The following SDK1 variants were observed in gnomAD, a reference collection of about 807,000 sequenced individuals.
The protein encoded by SDK1 is sidekick cell adhesion molecule 1.
A neutral mutation model predicts 245.5 loss-of-function variants in SDK1; 157 were observed. The observed-to-expected ratio is 0.64, with a 90% CI of 0.56 to 0.73. The LOEUF is 0.73. Ranked by LOEUF, SDK1 falls within the 30% of genes least tolerant of loss-of-function variation. SDK1 has a pLI of 0.00. For synonymous variants in SDK1, 1,647 were observed against 1,278.5 expected (o/e 1.29, Z -6.15); for missense variants, 3,583 against 3,002.3 (o/e 1.19, Z -4.52).
rs569435659 is a variant in SDK1, at chr7:3,600,641, C to T, written c.299-18439C>T. Reference sequence around the variant, plus strand: ...GCAATCTTGGCTTACTGCAAGCTCCCGGGTTCACGCCATTCTCCTACCTCA... The same window carrying T: ...GCAATCTTGGCTTACTGCAAGCTCCTGGGTTCACGCCATTCTCCTACCTCA... On this transcript the variant is annotated intron_variant, in intron 1 of 44. Coordinates refer to ENST00000404826, the MANE Select transcript of SDK1 (RefSeq NM_152744.4). 3.8e-4 allele frequency among the ~76,000 whole-genome samples: 57 copies of T among 150,310 alleles called. 1 individual carries two copies. The highest frequency in any genetic ancestry group is 1.2e-3 in the African/African-American group (50 of 40,874).
chr7:4,060,904 T>C (rs1435468298), intron 19 of SDK1, among the ~76,000 whole-genome samples: 1 of 151,758 alleles, frequency 6.6e-6, no homozygotes, highest in Non-Finnish European at 1.5e-5. Context: ...AGGGAATCCT[T>C]TACCCATTGC....
chr7:4,216,036 C>G (rs946980042), intron 38 of SDK1, among the ~76,000 whole-genome samples: 1 of 152,196 alleles, frequency 6.6e-6, no homozygotes. Flanking sequence ...TCTGCAGATA[C>G]CACAACCGGC....
At chr7:3,722,892 C>T (rs1366277136) in intron 4 of SDK1, among the ~76,000 whole-genome samples, 1 of 152,222 alleles carries the variant, frequency 6.6e-6, no homozygotes, top group African/African-American at 2.4e-5. Flanking sequence ...ATATGCTTTC[C>T]CCAAGATGGA....
intron 1 of SDK1, among the ~76,000 whole-genome samples, chr7:3,474,625 A>G (rs1463970052): frequency 2.0e-5 from 3 of 151,958 alleles, no homozygotes; most frequent in Admixed American, 2.0e-4. Context: ...TCTGTAACCC[A>G]TCCATGTCTT....
chr7:4,094,313 C>T (rs1355417216), intron 22 of SDK1, among the ~76,000 whole-genome samples: 2 of 152,184 alleles, frequency 1.3e-5, no homozygotes, highest in South Asian at 2.1e-4. Context: ...CCACCCACCT[C>T]GGCCTCCCAA....
intron 1 of SDK1, among the ~76,000 whole-genome samples, chr7:3,359,463 G>T (rs1780894342): frequency 6.6e-6 from 1 of 152,270 alleles, no homozygotes; most frequent in Admixed American, 6.5e-5. Flanking sequence ...GTACTAGCAG[G>T]CTATTAAAAG....
chr7:3,303,206 T>G (rs768271805), intron 1 of SDK1, among the ~76,000 whole-genome samples: 9 of 152,378 alleles, frequency 5.9e-5, no homozygotes, highest in African/African-American at 2.2e-4. Flanking sequence ...TGACTTACTC[T>G]GGAAGAAAAG....
At chr7:4,202,695 G>A (rs2128226188) in intron 35 of SDK1, among the ~76,000 whole-genome samples, 1 of 152,336 alleles carries the variant, frequency 6.6e-6, no homozygotes. Flanking sequence ...CTACAGCTCT[G>A]AAACTTTTCC....
At chr7:3,578,788 C>G (rs1780388983) in intron 1 of SDK1, among the ~76,000 whole-genome samples, 1 of 151,690 alleles carries the variant, frequency 6.6e-6, no homozygotes, top group African/African-American at 2.4e-5. Flanking sequence ...GGTTGTCTTC[C>G]CTTGTTCCCT....
Position 3,346,173 on chromosome 7 carries a change from T to A in SDK1, c.298+44289T>A, listed in dbSNP as rs138500650. 4.1e-3 allele frequency among the ~76,000 whole-genome samples: 620 copies of A among 152,300 alleles called. 2 individuals are homozygous for A. The highest frequency in any genetic ancestry group is 5.5e-3 in the Non-Finnish European group (375 of 68,016). On this transcript the variant is annotated intron_variant, in intron 1 of 44. Coordinates refer to ENST00000404826, the MANE Select transcript of SDK1 (RefSeq NM_152744.4). ...GTCTTAAGAATAAATTTCAGACTCCTGTGCATGCACAAATGCTGCTCATAA... is the reference window on the plus strand; with the variant it reads ...GTCTTAAGAATAAATTTCAGACTCCAGTGCATGCACAAATGCTGCTCATAA...
intron 1 of SDK1, among the ~76,000 whole-genome samples, chr7:3,438,418 CATAT>C: frequency 6.6e-6 from 1 of 152,178 alleles, no homozygotes; most frequent in East Asian, 1.9e-4. Flanking sequence ...CTAACATTTA[CATAT>C]GAGAGAAGCT....
intron 5 of SDK1, among the ~76,000 whole-genome samples, chr7:3,857,165 AAAC>A (rs1780567898): frequency 6.6e-6 from 1 of 152,178 alleles, no homozygotes; most frequent in Non-Finnish European, 1.5e-5. Context: ...AATCTACTGG[AAAC>A]AACATACTGA....
chr7:4,225,380 A>G (rs1480414257), intron 40 of SDK1, among the ~76,000 whole-genome samples: 1 of 152,182 alleles, frequency 6.6e-6, no homozygotes, highest in African/African-American at 2.4e-5. Context: ...CAAGCACACC[A>G]ATGTGTCTTT....
chr7:4,065,715 T>TG (rs1779851884), intron 19 of SDK1, among the ~76,000 whole-genome samples: 1 of 140,706 alleles, frequency 7.1e-6, no homozygotes, highest in Non-Finnish European at 1.5e-5. Flanking sequence ...TTTTTTTTTT[T>TG]TTTTTTTTTT....
At chr7:3,693,767 A>C (rs536312053) in intron 4 of SDK1, among the ~76,000 whole-genome samples, 1 of 152,238 alleles carries the variant, frequency 6.6e-6, no homozygotes, top group South Asian at 2.1e-4. Context: ...TAGCCTCTAG[A>C]TTCTGGCACT....
intron 1 of SDK1, among the ~76,000 whole-genome samples, chr7:3,493,638 C>T (rs1027756673): frequency 6.6e-6 from 1 of 152,180 alleles, no homozygotes; most frequent in East Asian, 1.9e-4. Flanking sequence ...GGAATGTTAT[C>T]TTCATGAGTC....
At chr7:4,103,805 C>T (rs1311049827) in intron 22 of SDK1, among the ~76,000 whole-genome samples, 2 of 152,184 alleles carry the variant, frequency 1.3e-5, no homozygotes, top group Admixed American at 1.3e-4. Flanking sequence ...GAGGAGGAGT[C>T]AGTGCCGTGG....
At chr7:3,988,932 C>T (rs1229416013) in intron 14 of SDK1, among the ~76,000 whole-genome samples, 1 of 152,114 alleles carries the variant, frequency 6.6e-6, no homozygotes, top group Non-Finnish European at 1.5e-5. Flanking sequence ...CCACCACGCC[C>T]AGCTAATTTT....
intron 17 of SDK1, among the ~76,000 whole-genome samples, chr7:4,048,559 GCT>G (rs1161514890): frequency 4.0e-5 from 6 of 151,612 alleles, no homozygotes; most frequent in African/African-American, 1.5e-4. Flanking sequence ...TTTTCCCATG[GCT>G]CTCCCAGCTG....
Sources: gnomAD v4.1 joint callset for allele counts (sites outside exome capture counted in the v4.1 genomes callset) on GRCh38, gnomAD v4.1.1 for gene constraint, MANE v1.5 for transcripts, NCBI Gene and HGNC (gene_info 2026-07-23, HGNC 2026-07-21) for gene names.